KATNAL2: variants seen among roughly 807,000 people sequenced by gnomAD.
KATNAL2 encodes the protein katanin p60 ATPase-containing subunit A-like 2.
In KATNAL2, 52 loss-of-function variants were observed where a neutral mutation model predicts 76.3. That is an observed-to-expected ratio of 0.68 (90% CI 0.55 to 0.86). The LOEUF (loss-of-function observed/expected upper bound fraction) is 0.86. KATNAL2 is among the 40% of genes least tolerant of loss of function. The pLI is 0.00. For missense variants in KATNAL2, 660 were observed against 668.9 expected, an observed-to-expected ratio of 0.99 and a Z score of 0.15; for synonymous variants, 243 against 244.2, an observed-to-expected ratio of 1.00 and a Z score of 0.05.
At chr18:47,034,795 C>G in intron 3 of KATNAL2, 1 of 1,612,366 alleles carries the variant, frequency 6.2e-7, no homozygotes, top group East Asian at 2.2e-5. Flanking sequence ...TATTCTGGGG[C>G]ACTTTCTCTC....
At chr18:46,923,339 C>A (rs1453779347) in intron 1 of KATNAL2, among the ~76,000 whole-genome samples, 1 of 150,856 alleles carries the variant, frequency 6.6e-6, no homozygotes, top group African/African-American at 2.4e-5. Flanking sequence ...TTTGTCCTTG[C>A]GATAGTTTGC....
chr18:47,073,510 G>C (rs1036946306), intron 13 of KATNAL2, among the ~76,000 whole-genome samples: 4 of 152,080 alleles, frequency 2.6e-5, no homozygotes, highest in Non-Finnish European at 5.9e-5. Context: ...ATGCTGTCAG[G>C]CTCCTTACTG....
At chr18:47,031,583 G>C (rs956717252) in intron 3 of KATNAL2, among the ~76,000 whole-genome samples, 9 of 152,124 alleles carry the variant, frequency 5.9e-5, no homozygotes, top group African/African-American at 2.2e-4. Flanking sequence ...TGTGTTTCCA[G>C]ACTTCCAGCT....
chr18:47,047,031 TG>T (rs2061182300), intron 4 of KATNAL2, among the ~76,000 whole-genome samples: 1 of 152,084 alleles, frequency 6.6e-6, no homozygotes, highest in African/African-American at 2.4e-5. Flanking sequence ...CACATCCCCC[TG>T]CTCCCAGCCT....
At chr18:47,090,683 T>C (rs12958771) in intron 15 of KATNAL2, among the ~76,000 whole-genome samples, 1 of 152,328 alleles carries the variant, frequency 6.6e-6, no homozygotes, top group Non-Finnish European at 1.5e-5. Context: ...GCACTTGATC[T>C]GGGTCTATAA....
chr18:47,035,678 A>C, intron 3 of KATNAL2: 1 of 319,868 alleles, frequency 3.1e-6, no homozygotes, highest in Non-Finnish European at 6.1e-6. Flanking sequence ...AATGCAGACA[A>C]TCGGGACGGT....
At chr18:47,057,457 G>T (rs767644481) in intron 6 of KATNAL2, among the ~76,000 whole-genome samples, 1 of 152,286 alleles carries the variant, frequency 6.6e-6, no homozygotes, top group South Asian at 2.1e-4. Context: ...CATATATACA[G>T]TCATACCACA....
intron 1 of KATNAL2, among the ~76,000 whole-genome samples, chr18:46,939,536 C>T (rs570976593): frequency 6.6e-6 from 1 of 152,172 alleles, no homozygotes; most frequent in Non-Finnish European, 1.5e-5. Context: ...GCACTGGAAT[C>T]ACATACTTTT....
intron 17 of KATNAL2, 108 bp downstream of exon 17, chr18:47,100,464 T>C (rs1050742209): frequency 4.8e-6 from 4 of 841,214 alleles, no homozygotes; most frequent in Non-Finnish European, 7.5e-6. Flanking sequence ...CACTTGGCAA[T>C]GCGTTTTTTG....
At chr18:46,940,764 C>A (rs1403954346) in intron 1 of KATNAL2, among the ~76,000 whole-genome samples, 1 of 152,154 alleles carries the variant, frequency 6.6e-6, no homozygotes, top group Non-Finnish European at 1.5e-5. Context: ...TTATGATTAG[C>A]CATAATCCCA....
At chr18:47,070,001 A>G (rs1259426851) in intron 13 of KATNAL2, among the ~76,000 whole-genome samples, 1 of 152,202 alleles carries the variant, frequency 6.6e-6, no homozygotes, top group East Asian at 1.9e-4. Flanking sequence ...AGATACTCTA[A>G]GAAAGAATCA....
Position 46,946,371 on chromosome 18 carries a change from T to C in KATNAL2, c.-195T>C. The C allele has an allele frequency of 9.7e-7, 1 of 1,026,370 alleles. No homozygotes were observed. Among genetic ancestry groups the C allele is most frequent in the Non-Finnish European group, 1.2e-6 (1 of 853,018 alleles). The allele number at this position is 1,026,370 out of a possible 1,614,324, so 63.6% of individuals were successfully genotyped here. ...TGACAACCAAAGTGTCCACAGCAGA[T>C]TCGTCCAGTCTAGATAGACCATGCA... On this transcript the variant is annotated 5_prime_UTR_variant, in exon 2 of 18. Coordinates refer to ENST00000683218, the MANE Select transcript of KATNAL2 (RefSeq NM_001387690.1).
At chr18:46,957,732 T>C (rs543491381) in intron 3 of KATNAL2, among the ~76,000 whole-genome samples, 1 of 151,830 alleles carries the variant, frequency 6.6e-6, no homozygotes, top group African/African-American at 2.4e-5. Context: ...CTGGCTAATT[T>C]TGTATTTTTA....
chr18:47,083,271 C>CT (rs1341145118), intron 15 of KATNAL2, among the ~76,000 whole-genome samples: 3 of 152,160 alleles, frequency 2.0e-5, no homozygotes, highest in Non-Finnish European at 4.4e-5. Flanking sequence ...GGGAACAGAT[C>CT]TTTCTCTTGA....
intron 15 of KATNAL2, among the ~76,000 whole-genome samples, chr18:47,087,813 G>A (rs72905404): frequency 0.026 from 4,007 of 151,258 alleles, 62 homozygotes; most frequent in Non-Finnish European, 0.041. Context: ...ACAAAAATGC[G>A]TTGTCCTGTA....
intron 3 of KATNAL2, among the ~76,000 whole-genome samples, chr18:46,954,533 G>A (rs1327775450): frequency 6.6e-6 from 1 of 151,736 alleles, no homozygotes; most frequent in African/African-American, 2.4e-5. Flanking sequence ...GTTTCACCAT[G>A]TTGGCCAGGA....
At chr18:46,935,173 G>A (rs56150310) in intron 1 of KATNAL2, among the ~76,000 whole-genome samples, 8,748 of 152,098 alleles carry the variant, frequency 0.058, 299 homozygotes, top group Non-Finnish European at 0.081. Context: ...TAACCTAATA[G>A]AAACTCTAGA....
intron 1 of KATNAL2, among the ~76,000 whole-genome samples, chr18:46,937,030 G>T (rs2059114029): frequency 6.6e-6 from 1 of 152,178 alleles, no homozygotes; most frequent in South Asian, 2.1e-4. Flanking sequence ...TGGGAGGTTT[G>T]TGAGGAACTG....
chr18:47,046,655 G>A (rs1238430576), intron 4 of KATNAL2, 128 bp downstream of exon 4: 7 of 717,576 alleles, frequency 9.8e-6, no homozygotes, highest in Non-Finnish European at 4.6e-6. Flanking sequence ...GAAAAATCGA[G>A]CAGAAAGTAC....
Sources: allele counts gnomAD v4.1 joint callset (sites outside exome capture counted in the v4.1 genomes callset), GRCh38; gene constraint gnomAD v4.1.1; transcripts MANE v1.5; gene names NCBI Gene and HGNC (gene_info 2026-07-23, HGNC 2026-07-21).